The following DNAJC1 variants were observed in gnomAD, a reference collection of about 807,000 sequenced individuals.
DNAJC1 encodes the protein DnaJ heat shock protein family (Hsp40) member C1.
A neutral mutation model predicts 76.6 loss-of-function variants in DNAJC1; 58 were observed. That is an observed-to-expected ratio of 0.76 (90% confidence interval 0.61 to 0.94). The LOEUF is 0.94. Ranked by LOEUF, DNAJC1 falls within the 40% of genes least tolerant of loss-of-function variation. The pLI is 0.00. For missense variants in DNAJC1, 689 were observed against 677.3 expected (o/e 1.02, Z -0.19); for synonymous variants, 258 against 267.9 (o/e 0.96, Z 0.36).
At chr10:21,778,939 G>A (rs1164739557) in intron 9 of DNAJC1, among the ~76,000 whole-genome samples, 2 of 152,244 alleles carry the variant, frequency 1.3e-5, no homozygotes, top group African/African-American at 2.4e-5. Flanking sequence ...CGGCACACCA[G>A]GAGATTATAT....
At position 21,914,828 on chromosome 10, in the gene DNAJC1, A is replaced by C. The variant is rs144713308; in HGVS notation, c.729+3951T>G. Among the ~76,000 whole-genome samples, 512 of 152,344 alleles carry C rather than the reference A, an allele frequency of 3.4e-3. 2 individuals carry two copies. Among genetic ancestry groups the C allele is most frequent in the African/African-American group, 0.012 (494 of 41,590 alleles). ...GTGGGCACTTAACTGTTAAGTGTCT[A>C]TTCATCTTTCAATACTCAGTTCAAG... On this transcript the variant is annotated intron_variant, in intron 6 of 11. Transcript: ENST00000376980.
chr10:21,868,502 TCTA>T (rs1437580691), intron 8 of DNAJC1, among the ~76,000 whole-genome samples: 1 of 152,064 alleles, frequency 6.6e-6, no homozygotes, highest in African/African-American at 2.4e-5. Context: ...TAAAAAGAAA[TCTA>T]CTGATACACT....
chr10:21,951,610 AG>A (rs1837596387), intron 1 of DNAJC1, among the ~76,000 whole-genome samples: 1 of 151,988 alleles, frequency 6.6e-6, no homozygotes, highest in African/African-American at 2.4e-5. Context: ...GGAAAATATC[AG>A]TTTCCCTTTG....
chr10:21,869,215 CAAAA>C (rs552376355), intron 8 of DNAJC1, among the ~76,000 whole-genome samples: 2 of 94,432 alleles, frequency 2.1e-5, no homozygotes, highest in Non-Finnish European at 4.4e-5. Flanking sequence ...GACCATATCT[CAAAA>C]AAAAAAAAAA....
chr10:21,799,288 G>GT lies in DNAJC1; in HGVS notation c.1098+6691dup, dbSNP rs1249138229. ...GTGGAATTTCTGGTTGCTTTTTACT[G>GT]TTTTTTGTTGTTGTTGTTTTTTTGT... On this transcript the variant is annotated intron_variant, in intron 9 of 11. Transcript: ENST00000376980. Among the ~76,000 whole-genome samples the GT allele has an allele frequency of 6.6e-5, 10 of 152,000 alleles. No individual in the cohort carries two copies. In the East Asian group the frequency reaches 1.9e-3, roughly 29 times the overall value.
chr10:21,764,915 C>A (rs1301166381), intron 10 of DNAJC1, among the ~76,000 whole-genome samples: 1 of 152,200 alleles, frequency 6.6e-6, no homozygotes, highest in East Asian at 1.9e-4. Flanking sequence ...CTGGTGCCTT[C>A]TCTCAGCCAC....
At chr10:21,839,868 C>G (rs948664055) in intron 8 of DNAJC1, among the ~76,000 whole-genome samples, 2 of 152,184 alleles carry the variant, frequency 1.3e-5, no homozygotes, top group African/African-American at 4.8e-5. Flanking sequence ...TACTGGCAAA[C>G]CAAATCCAGC....
chr10:21,961,121 G>A (rs1477765562), intron 1 of DNAJC1, among the ~76,000 whole-genome samples: 1 of 152,186 alleles, frequency 6.6e-6, no homozygotes, highest in Non-Finnish European at 1.5e-5. Context: ...TTATACATTG[G>A]TAGTGGGCTC....
chr10:21,954,813 TTATAA>T (rs1441526342), intron 1 of DNAJC1, among the ~76,000 whole-genome samples: 2 of 152,284 alleles, frequency 1.3e-5, no homozygotes, highest in East Asian at 1.9e-4. Flanking sequence ...ACTACTATTA[TTATAA>T]TATAATGAGG....
chr10:21,951,002 C>T (rs955099141), intron 1 of DNAJC1, among the ~76,000 whole-genome samples: 71 of 152,258 alleles, frequency 4.7e-4, no homozygotes, highest in African/African-American at 1.7e-3. Context: ...TGCAGAAATG[C>T]TTTAATTCAG....
At chr10:21,779,884 G>C (rs1465659147) in intron 9 of DNAJC1, among the ~76,000 whole-genome samples, 1 of 152,164 alleles carries the variant, frequency 6.6e-6, no homozygotes, top group East Asian at 1.9e-4. Flanking sequence ...AATAACCAGT[G>C]TAGAGAAGAC....
chr10:21,827,005 G>C (rs1285263093), intron 8 of DNAJC1, among the ~76,000 whole-genome samples: 2 of 149,734 alleles, frequency 1.3e-5, no homozygotes, highest in African/African-American at 4.9e-5. Flanking sequence ...ATTCAATTTT[G>C]ATGGGGACTG....
intron 7 of DNAJC1, among the ~76,000 whole-genome samples, chr10:21,896,482 C>T (rs1039069422): frequency 1.1e-4 from 17 of 152,134 alleles, no homozygotes; most frequent in African/African-American, 3.9e-4. Flanking sequence ...ATGAGAATAT[C>T]AATTTTATGC....
In DNAJC1 at chr10:21,930,517, A is replaced by T. The variant is rs551737412; in HGVS notation, c.223-1376T>A. Among the ~76,000 whole-genome samples the T allele has an allele frequency of 2.6e-4, 39 of 152,274 alleles. 1 individual carries two copies. In the South Asian group the frequency reaches 5.8e-3, roughly 23 times the overall value. ...TTTAAATAGAGTTGGAGAGAGACAA[A>T]GTGAGGCTATAATTAGTCTGTCAGG... On this transcript the variant is annotated intron_variant, in intron 1 of 11. Transcript: ENST00000376980.
intron 8 of DNAJC1, among the ~76,000 whole-genome samples, chr10:21,850,972 A>G (rs535038019): frequency 6.6e-6 from 1 of 152,330 alleles, no homozygotes; most frequent in East Asian, 1.9e-4. Context: ...TACAGAATGA[A>G]GCAGGACCCA....
intron 9 of DNAJC1, among the ~76,000 whole-genome samples, chr10:21,777,906 G>A (rs1195155658): frequency 6.6e-6 from 1 of 152,194 alleles, no homozygotes; most frequent in Non-Finnish European, 1.5e-5. Flanking sequence ...TGATATCACA[G>A]GCTGGGCATG....
chr10:21,790,010 T>TAAAAAAAAAAAAAAAAAAAAA (rs35639440), intron 9 of DNAJC1, among the ~76,000 whole-genome samples: 63 of 41,092 alleles, frequency 1.5e-3, no homozygotes, highest in Non-Finnish European at 1.5e-3. Flanking sequence ...GCTCTGTCTT[T>TAAAAAAAAAAAAAAAAAAAAA]AAAAAAAAAA....
In DNAJC1 at chr10:21,826,078, A is replaced by C. The variant is rs902237232; in HGVS notation, c.979-19979T>G. 1.2e-3 allele frequency among the ~76,000 whole-genome samples: 186 copies of C among 152,146 alleles called. 2 individuals are homozygous for C. Among genetic ancestry groups the C allele is most frequent in the Non-Finnish European group, 1.2e-4 (8 of 68,002 alleles). ...ATGGCAAAACCCTGTCTCTACTAAA[A>C]AGTACAAAAATTAGCCAGGCGTGGT... On this transcript the variant is annotated intron_variant, in intron 8 of 11. Coordinates refer to ENST00000376980, the MANE Select transcript of DNAJC1 (RefSeq NM_022365.4).
chr10:21,809,293 T>A (rs1279933777), intron 8 of DNAJC1, among the ~76,000 whole-genome samples: 2 of 152,020 alleles, frequency 1.3e-5, no homozygotes, highest in African/African-American at 4.8e-5. Flanking sequence ...ATTTTTATAC[T>A]TTAATGACAA....
Sources: gnomAD v4.1 joint callset for allele counts (sites outside exome capture counted in the v4.1 genomes callset) on GRCh38, gnomAD v4.1.1 for gene constraint, MANE v1.5 for transcripts, NCBI Gene and HGNC (gene_info 2026-07-23, HGNC 2026-07-21) for gene names.